The following CHD1L variants were observed in gnomAD, a reference collection of about 807,000 sequenced individuals.
CHD1L encodes the protein chromodomain helicase DNA binding protein 1 like.
Under a neutral mutation model 115.9 loss-of-function variants are expected in CHD1L, and 118 were observed. The observed-to-expected ratio is 1.02, with a 90% CI of 0.88 to 1.19. CHD1L has a LOEUF of 1.19. Among genes scored for constraint, CHD1L ranks in the 50% most tolerant of loss-of-function variants. The probability of loss-of-function intolerance (pLI) is 0.00; values close to 1 mark genes in which losing one functional copy is unlikely to be tolerated. For synonymous variants in CHD1L, 411 were observed against 387.1 expected, an observed-to-expected ratio of 1.06 and a Z score of -0.72; for missense variants, 1,179 against 1,065.3, an observed-to-expected ratio of 1.11 and a Z score of -1.49.
chr1:147,180,527 G>A, the CHD1L span, among the ~76,000 whole-genome samples: 909 of 152,298 alleles, frequency 6.0e-3, 9 homozygotes, highest in African/African-American at 0.021. Flanking sequence ...TCTTGACCTC[G>A]TGATCCACCC....
At position 147,255,896 on chromosome 1, in the gene CHD1L, C is replaced by G; in HGVS notation, c.431C>G (p.Ser144Ter). The change falls in exon 4 of 23, where the codon TCA (serine) becomes TGA (stop). Residue 144 changes from serine to a stop codon, truncating the protein, a stop_gained. Coordinates refer to ENST00000369258, the MANE Select transcript of CHD1L (RefSeq NM_004284.6). LOFTEE classifies it high-confidence loss of function. ...ACLQQDLKQE[S>*]RFHVLLTTYE... Reference sequence around the variant, plus strand: ...CTTCAGCAAGACCTGAAACAGGAGTCACGTTTTCATGTGCTACTGACTACC... The same window carrying G: ...CTTCAGCAAGACCTGAAACAGGAGTGACGTTTTCATGTGCTACTGACTACC... The G allele has an allele frequency of 6.2e-7, 1 of 1,613,702 alleles. No individual in the cohort carries two copies. The highest frequency in any genetic ancestry group is 1.1e-5 in the South Asian group (1 of 90,970).
the CHD1L span, chr1:147,213,270 C>T: frequency 6.5e-7 from 1 of 1,541,780 alleles, no homozygotes; most frequent in African/African-American, 1.4e-5. Flanking sequence ...AGGTCACAGG[C>T]ATGGGTCAAG....
chr1:147,242,938 T>C (rs1890043), intron 1 of CHD1L, 108 bp downstream of exon 1: 453,323 of 1,184,834 alleles, frequency 0.38, 88,414 homozygotes, highest in African/African-American at 0.54. Flanking sequence ...GTTTACCCGC[T>C]CGCGCCAGGG....
chr1:147,192,840 C>T, the CHD1L span, among the ~76,000 whole-genome samples: 1 of 152,106 alleles, frequency 6.6e-6, no homozygotes, highest in African/African-American at 2.4e-5. Context: ...GTTGAACCAG[C>T]CTTGCATCCC....
At chr1:147,217,097 G>A in the CHD1L span, among the ~76,000 whole-genome samples, 3 of 151,914 alleles carry the variant, frequency 2.0e-5, no homozygotes, top group African/African-American at 7.3e-5. Flanking sequence ...AAAATTAGCC[G>A]GGCGTGGTGG....
At chr1:147,193,914 G>T in the CHD1L span, among the ~76,000 whole-genome samples, 1 of 152,040 alleles carries the variant, frequency 6.6e-6, no homozygotes, top group African/African-American at 2.4e-5. Flanking sequence ...GCTGAGGAGT[G>T]CTTTACTTCC....
chr1:147,285,202 T>G, intron 16 of CHD1L, 122 bp from the exon 17 acceptor site: 1 of 1,087,978 alleles, frequency 9.2e-7, no homozygotes, highest in Non-Finnish European at 1.3e-6. Context: ...ATGCAGGGTG[T>G]GTGGAGATGC....
At chr1:147,206,885 T>C in the CHD1L span, among the ~76,000 whole-genome samples, 1 of 151,930 alleles carries the variant, frequency 6.6e-6, no homozygotes, top group Non-Finnish European at 1.5e-5. Flanking sequence ...TATACATATA[T>C]AACAAACCTG....
chr1:147,240,702 C>T (rs1321289149), upstream of CHD1L, among the ~76,000 whole-genome samples: 1 of 152,106 alleles, frequency 6.6e-6, no homozygotes, highest in Non-Finnish European at 1.5e-5. Flanking sequence ...GACATGTGGG[C>T]AGCAATACTG....
the CHD1L span, among the ~76,000 whole-genome samples, chr1:147,185,423 T>TAA: frequency 2.8e-4 from 42 of 152,132 alleles, no homozygotes; most frequent in Non-Finnish European, 5.0e-4. Flanking sequence ...CTAGGTCCAT[T>TAA]TTAATAGATG....
At chr1:147,243,403 C>G (rs889600165) in intron 1 of CHD1L, among the ~76,000 whole-genome samples, 6 of 151,192 alleles carry the variant, frequency 4.0e-5, no homozygotes, top group Admixed American at 6.6e-5. Context: ...TTGAGTCATT[C>G]ATAAATACTG....
intron 2 of CHD1L, 152 bp downstream of exon 2, chr1:147,252,887 C>G: frequency 1.6e-6 from 1 of 622,486 alleles, no homozygotes; most frequent in Non-Finnish European, 2.8e-6. Context: ...GGGAAAGGGC[C>G]TTCCCTGTAC....
intron 1 of CHD1L, among the ~76,000 whole-genome samples, chr1:147,245,054 G>A (rs1666148991): frequency 6.6e-6 from 1 of 152,188 alleles, no homozygotes; most frequent in Non-Finnish European, 1.5e-5. Context: ...GGATCATGAA[G>A]TTACCTTAGG....
upstream of CHD1L, among the ~76,000 whole-genome samples, chr1:147,240,594 TC>T (rs1327645271): frequency 6.6e-6 from 1 of 151,868 alleles, no homozygotes; most frequent in Non-Finnish European, 1.5e-5. Flanking sequence ...GGCATCTGTC[TC>T]CTGCTCATCC....
the CHD1L span, chr1:147,186,288 T>C: frequency 8.2e-6 from 8 of 978,762 alleles, no homozygotes; most frequent in Non-Finnish European, 9.7e-6. Context: ...ATTGAGAAAA[T>C]AAAGACATGG....
At position 147,291,527 on chromosome 1, in the gene CHD1L, A is replaced by C; in HGVS notation, c.2366A>C (p.Glu789Ala). 1 of 1,614,002 alleles carries C rather than the reference A, an allele frequency of 6.2e-7. No homozygotes were observed. The highest frequency in any genetic ancestry group is 8.5e-7 in the Non-Finnish European group (1 of 1,179,926). ...CTTTTATTTCCTGTTGATGATAAAG[A>C]ATCAAGAAACAAAGGGCAAGATTTG... is the stretch of plus-strand genomic sequence containing the variant. Reference protein sequence around the residue: ...GVLLFPVDDKESRNKGQDLLA... With the variant: ...GVLLFPVDDKASRNKGQDLLA... Residue 789 changes from glutamate (E) to alanine (A), a missense_variant, in exon 20 of 23, where the codon GAA (glutamate) becomes GCA (alanine). Glu to Ala is a moderately radical substitution (Grantham distance 107). Transcript: ENST00000369258.
At position 147,284,339 on chromosome 1, in the gene CHD1L, T is replaced by G. The variant is rs1354781843; in HGVS notation, c.1706-12T>G. The stretch of plus-strand genomic sequence containing the variant: ...TATCTAACATTTCTCTCTTTGTGTT[T>G]TATGTTGTTAGAAAATCATATGTAC... On this transcript the variant is annotated splice_polypyrimidine_tract_variant and intron_variant, in intron 15 of 22. Transcript: ENST00000369258. 2 of 1,545,412 alleles carry G rather than the reference T, an allele frequency of 1.3e-6. No homozygotes were observed. The highest frequency in any genetic ancestry group is 1.8e-6 in the Non-Finnish European group (2 of 1,141,958).
the CHD1L span, among the ~76,000 whole-genome samples, chr1:147,200,384 T>A: frequency 6.6e-6 from 1 of 152,176 alleles, no homozygotes; most frequent in South Asian, 2.1e-4. Context: ...TCAGATGGCA[T>A]GTTTTCAAAT....
chr1:147,263,589 A>G (rs1672762742), intron 6 of CHD1L, among the ~76,000 whole-genome samples: 1 of 151,938 alleles, frequency 6.6e-6, no homozygotes, highest in Non-Finnish European at 1.5e-5. Context: ...CTTCTACTTC[A>G]TGTCTCTCTT....
Sources: allele counts gnomAD v4.1 joint callset (sites outside exome capture counted in the v4.1 genomes callset), GRCh38; gene constraint gnomAD v4.1.1; transcripts MANE v1.5; gene names NCBI Gene and HGNC (gene_info 2026-07-23, HGNC 2026-07-21).